Variants in LRP1B observed in about 807,000 individuals in gnomAD.
The protein encoded by LRP1B is LDL receptor related protein 1B.
A neutral mutation model predicts 556.6 loss-of-function variants in LRP1B; 217 were observed. The observed-to-expected ratio is 0.39, with a 90% CI of 0.35 to 0.44. The LOEUF (loss-of-function observed/expected upper bound fraction) is 0.44. LRP1B is among the 20% of genes least tolerant of loss of function. The pLI, the probability that LRP1B is intolerant of heterozygous loss-of-function variation, is 1.00. For synonymous variants in LRP1B, 2,047 were observed against 1,865.8 expected, an observed-to-expected ratio of 1.10 and a Z score of -2.50; for missense variants, 5,053 against 5,620.8, an observed-to-expected ratio of 0.90 and a Z score of 3.23.
chr2:141,150,866 GGTTTGTGTGTGTGTGTGT>G (rs1409750638), intron 7 of LRP1B, among the ~76,000 whole-genome samples: 11 of 45,862 alleles, frequency 2.4e-4, no homozygotes, highest in Admixed American at 1.2e-3. Flanking sequence ...TTGTCATGCT[GGTTTGTGTGTGTGTGTGT>G]GTGTGTGTGT....
intron 1 of LRP1B, among the ~76,000 whole-genome samples, chr2:141,946,116 A>G (rs894348255): frequency 5.9e-5 from 9 of 152,116 alleles, no homozygotes; most frequent in Non-Finnish European, 1.3e-4. Flanking sequence ...AAACTGCCCC[A>G]CAGCCTAGTA....
At chr2:141,343,774 G>T (rs1459758375) in intron 3 of LRP1B, among the ~76,000 whole-genome samples, 1 of 152,140 alleles carries the variant, frequency 6.6e-6, no homozygotes, top group Non-Finnish European at 1.5e-5. Context: ...ACCTAGCCTT[G>T]TATAGTTTTC....
At chr2:141,045,746 C>T (rs1281140334) in intron 11 of LRP1B, among the ~76,000 whole-genome samples, 1 of 151,840 alleles carries the variant, frequency 6.6e-6, no homozygotes, top group Non-Finnish European at 1.5e-5. Flanking sequence ...CACCTGGCCC[C>T]GATACGGCAT....
intron 41 of LRP1B, among the ~76,000 whole-genome samples, chr2:140,612,893 G>A (rs549072234): frequency 6.6e-6 from 1 of 152,056 alleles, no homozygotes; most frequent in African/African-American, 2.4e-5. Context: ...CAGAAGCATG[G>A]ACTAAGTTCA....
chr2:141,137,091 G>A (rs1421721094), intron 7 of LRP1B, among the ~76,000 whole-genome samples: 3 of 151,840 alleles, frequency 2.0e-5, no homozygotes, highest in African/African-American at 7.2e-5. Flanking sequence ...CACATGAAAT[G>A]AGAATTGAAA....
At chr2:141,231,231 C>T (rs964150437) in intron 5 of LRP1B, among the ~76,000 whole-genome samples, 12 of 152,174 alleles carry the variant, frequency 7.9e-5, no homozygotes, top group African/African-American at 2.7e-4. Context: ...AGTTTTGAAG[C>T]AGTATTATTT....
intron 70 of LRP1B, 26 bp from the exon 71 acceptor site, chr2:140,370,868 A>C: frequency 6.2e-7 from 1 of 1,609,334 alleles, no homozygotes; most frequent in Non-Finnish European, 8.5e-7. Flanking sequence ...TGGACACTGC[A>C]GTTTTCATTA....
chr2:141,093,713 A>C (rs1474942707), intron 7 of LRP1B, among the ~76,000 whole-genome samples: 2 of 151,616 alleles, frequency 1.3e-5, no homozygotes, highest in African/African-American at 4.8e-5. Context: ...CTGTGACTGA[A>C]AAAAAAAACA....
intron 2 of LRP1B, among the ~76,000 whole-genome samples, chr2:141,669,276 C>G (rs1248624990): frequency 6.6e-6 from 1 of 152,092 alleles, no homozygotes; most frequent in African/African-American, 2.4e-5. Flanking sequence ...CATGTGAAGA[C>G]AAAGCGAAGA....
intron 11 of LRP1B, among the ~76,000 whole-genome samples, chr2:141,035,113 T>A (rs1340284248): frequency 6.7e-6 from 1 of 149,708 alleles, no homozygotes; most frequent in Non-Finnish European, 1.5e-5. Context: ...AAGGACAAAA[T>A]CAAACACCGC....
intron 2 of LRP1B, among the ~76,000 whole-genome samples, chr2:141,681,379 T>C (rs768770672): frequency 2.6e-5 from 4 of 152,074 alleles, no homozygotes; most frequent in Non-Finnish European, 5.9e-5. Context: ...TCAGAAAGTC[T>C]AAGTAATATG....
In LRP1B at chr2:140,356,259, CCT is replaced by C. The variant is rs1457793627; in HGVS notation, c.11530+81_11530+82del. 3 of 1,368,500 alleles carry C rather than the reference CCT, an allele frequency of 2.2e-6. No homozygotes were observed. The East Asian group carries it at 7.0e-5, about 32-fold the overall frequency. The allele number at this position is 1,368,500 out of a possible 1,614,324, so 84.8% of individuals were successfully genotyped here. On this transcript the variant is annotated intron_variant, in intron 75 of 90. Transcript: ENST00000389484. ...ACACCATTTTGATGAAAGTCAATCCCCTGTGATCTCACAATTTAGAAGTCTTG... is the reference window on the plus strand; with the variant it reads ...ACACCATTTTGATGAAAGTCAATCCCGTGATCTCACAATTTAGAAGTCTTG...
intron 45 of LRP1B, among the ~76,000 whole-genome samples, chr2:140,539,650 G>A (rs1468596130): frequency 2.6e-5 from 4 of 152,230 alleles, no homozygotes; most frequent in Admixed American, 2.6e-4. Flanking sequence ...GAAGTGACCT[G>A]TGAAAGAAAC....
intron 2 of LRP1B, among the ~76,000 whole-genome samples, chr2:141,514,539 T>A (rs1052545904): frequency 2.0e-5 from 3 of 152,174 alleles, no homozygotes; most frequent in Admixed American, 2.0e-4. Flanking sequence ...AGAGTGGCTA[T>A]CGTGGTAGAT....
chr2:140,332,132 T>G (rs1255757791), intron 79 of LRP1B, among the ~76,000 whole-genome samples: 3 of 152,068 alleles, frequency 2.0e-5, no homozygotes, highest in Admixed American at 2.0e-4. Flanking sequence ...TTTTAAAAAT[T>G]TCCTCATGAT....
intron 52 of LRP1B, among the ~76,000 whole-genome samples, chr2:140,508,447 C>T (rs2104911758): frequency 6.6e-6 from 1 of 152,210 alleles, no homozygotes. Flanking sequence ...TAAATCTCTC[C>T]CTTTATCTCA....
At chr2:141,291,774 T>G in intron 3 of LRP1B, among the ~76,000 whole-genome samples, 1 of 141,560 alleles carries the variant, frequency 7.1e-6, no homozygotes, top group East Asian at 2.0e-4. Flanking sequence ...GAGAATGGCG[T>G]GAACCCGGGA....
chr2:140,855,493 G>A (rs865817104), intron 27 of LRP1B, among the ~76,000 whole-genome samples: 1 of 99,410 alleles, frequency 1.0e-5, no homozygotes, highest in Non-Finnish European at 2.0e-5. Flanking sequence ...TCTCTACTGG[G>A]AAAAAAAAAA....
chr2:140,614,537 T>A (rs550065198), intron 41 of LRP1B, among the ~76,000 whole-genome samples: 1 of 152,210 alleles, frequency 6.6e-6, no homozygotes, highest in East Asian at 1.9e-4. Context: ...ACAAATATTT[T>A]TTGTCTGTTG....
Sources: gnomAD v4.1 joint callset for allele counts (sites outside exome capture counted in the v4.1 genomes callset) on GRCh38, gnomAD v4.1.1 for gene constraint, MANE v1.5 for transcripts, NCBI Gene and HGNC (gene_info 2026-07-23, HGNC 2026-07-21) for gene names.